FAM81B: variants seen among roughly 807,000 people sequenced by gnomAD.
FAM81B encodes family with sequence similarity 81 member B, also known as protein FAM81B.
FAM81B carries 60 observed loss-of-function variants against 58.7 expected under a neutral mutation model. The ratio of observed to expected loss-of-function variants is 1.02; its 90% CI spans 0.83 to 1.27. The LOEUF (loss-of-function observed/expected upper bound fraction) is 1.27. Among genes scored for constraint, FAM81B ranks in the 50% most tolerant of loss-of-function variants. FAM81B has a pLI of 0.00. For synonymous variants in FAM81B, 189 were observed against 179.6 expected, an observed-to-expected ratio of 1.05 and a Z score of -0.42; for missense variants, 491 against 522.0, an observed-to-expected ratio of 0.94 and a Z score of 0.58.
rs577076287 is a variant in FAM81B, at chr5:95,439,236, G to GTATATATATATATATATATATATA, written c.893+2336_893+2359dup. Among the ~76,000 whole-genome samples the GTATATATATATATATATATATATA allele has an allele frequency of 1.8e-3, 186 of 105,102 alleles. 2 individuals are homozygous for GTATATATATATATATATATATATA. Among genetic ancestry groups the GTATATATATATATATATATATATA allele is most frequent in the South Asian group, 3.4e-3 (9 of 2,646 alleles). 69.0% of individuals were successfully genotyped at this position (105,102 alleles called of 152,430 possible). A position where few individuals can be genotyped will look rare whatever the true frequency, so the allele number is the denominator to read the frequency against. ...ATAGGCAAGCTTGCTAGGTTAAAGAGTATATATATATATATATATATATAT... is the reference window on the plus strand; with the variant it reads ...ATAGGCAAGCTTGCTAGGTTAAAGAGTATATATATATATATATATATATATATATATATATATATATATATATAT... On this transcript the variant is annotated intron_variant, in intron 7 of 9. Transcript: ENST00000283357.
At chr5:95,413,629 A>G (rs945953746) in intron 3 of FAM81B, among the ~76,000 whole-genome samples, 1 of 152,096 alleles carries the variant, frequency 6.6e-6, no homozygotes, top group Non-Finnish European at 1.5e-5. Context: ...TAAAAACTTA[A>G]TTTTTTCTAC....
chr5:95,422,891 A>C (rs1235137463), intron 5 of FAM81B, among the ~76,000 whole-genome samples: 1 of 152,208 alleles, frequency 6.6e-6, no homozygotes, highest in Admixed American at 6.5e-5. Flanking sequence ...TTCCCCTTCA[A>C]TCAAAAGCAG....
intron 6 of FAM81B, among the ~76,000 whole-genome samples, chr5:95,432,263 T>C (rs1744932231): frequency 6.6e-6 from 1 of 152,144 alleles, no homozygotes; most frequent in Admixed American, 6.5e-5. Context: ...TGATGTATTT[T>C]GTTGTGGTGC....
chr5:95,430,124 G>C (rs1421276612), intron 6 of FAM81B, among the ~76,000 whole-genome samples: 1 of 152,048 alleles, frequency 6.6e-6, no homozygotes, highest in Non-Finnish European at 1.5e-5. Flanking sequence ...ATTCAAAAGT[G>C]ACATTGGACT....
intron 3 of FAM81B, among the ~76,000 whole-genome samples, chr5:95,397,698 G>A (rs1486728283): frequency 6.6e-6 from 1 of 152,198 alleles, no homozygotes; most frequent in Admixed American, 6.5e-5. Flanking sequence ...GCAAAAGCAT[G>A]ATAAAGATTA....
chr5:95,445,058 C>T (rs1745502569), intron 7 of FAM81B, among the ~76,000 whole-genome samples: 2 of 151,998 alleles, frequency 1.3e-5, no homozygotes. Context: ...AGCTATTAGC[C>T]TAAAAATAAT....
intron 3 of FAM81B, chr5:95,396,832 G>C (rs1166879232): frequency 6.6e-6 from 1 of 152,254 alleles, no homozygotes; most frequent in African/African-American, 2.4e-5. Context: ...TCAGGGCACT[G>C]GGGATTTAGT....
At chr5:95,428,871 T>C (rs1744734112) in intron 6 of FAM81B, 139 bp downstream of exon 6, 5 of 1,128,404 alleles carry the variant, frequency 4.4e-6, no homozygotes, top group Middle Eastern at 2.1e-4. Flanking sequence ...GACAGCTCAC[T>C]CATATACGCC....
At position 95,420,422 on chromosome 5, in the gene FAM81B, C is replaced by T. The variant is rs1344752673; in HGVS notation, c.656+20C>T. 1 of 1,612,954 alleles carries T rather than the reference C, an allele frequency of 6.2e-7. No homozygotes were observed. Among genetic ancestry groups the T allele is most frequent in the African/African-American group, 1.3e-5 (1 of 74,890 alleles). ...AGCCAGGTGAGAAGAAGCATGTTGA[C>T]TAATGTTTAACAGTGAATTCTTGGC... On this transcript the variant is annotated intron_variant, in intron 5 of 9. Transcript: ENST00000283357.
rs764847138 is a variant in FAM81B, at chr5:95,420,365, C to T, written c.619C>T (p.Leu207=). ...FAVHEINIKH[L]QGVGDLRGRV... is the part of the protein sequence containing the mutation. ...AGTACACGAGATAAACATCAAACACCTACAAGGAGTTGGAGATCTTCGAGG... is the reference window on the plus strand; with the variant it reads ...AGTACACGAGATAAACATCAAACACTTACAAGGAGTTGGAGATCTTCGAGG... Residue 207 remains leucine, a synonymous_variant, in exon 5 of 10, where the codon CTA becomes TTA. Coordinates refer to ENST00000283357, the MANE Select transcript of FAM81B (RefSeq NM_152548.3). 1 of 1,613,836 alleles carries T rather than the reference C, an allele frequency of 6.2e-7. No homozygotes were observed. Among genetic ancestry groups the T allele is most frequent in the Non-Finnish European group, 8.5e-7 (1 of 1,179,782 alleles).
At chr5:95,421,628 G>C (rs1054001335) in intron 5 of FAM81B, among the ~76,000 whole-genome samples, 1 of 151,610 alleles carries the variant, frequency 6.6e-6, no homozygotes, top group Non-Finnish European at 1.5e-5. Flanking sequence ...AAGTAAGGGG[G>C]TGGCATATCA....
chr5:95,436,484 A>C (rs1464004936), intron 6 of FAM81B, among the ~76,000 whole-genome samples: 2 of 152,246 alleles, frequency 1.3e-5, no homozygotes, highest in African/African-American at 4.8e-5. Flanking sequence ...TCAAATTAAC[A>C]GACTAATAAA....
At position 95,450,437 on chromosome 5, in the gene FAM81B, TC is replaced by T; in HGVS notation, c.*156del. ...AGAAAAATAATAAAGCAAAGAAGCT[TC>T]GGATGTCTTGAATTTATTAATGAAA... On this transcript the variant is annotated 3_prime_UTR_variant, in exon 10 of 10. Transcript: ENST00000283357. 7.8e-7 allele frequency: 1 copy of T among 1,288,922 alleles called. No individual in the cohort carries two copies. Among genetic ancestry groups the T allele is most frequent in the South Asian group, 1.5e-5 (1 of 66,056 alleles). 79.8% of individuals were successfully genotyped at this position (1,288,922 alleles called of 1,614,324 possible). A position where few individuals can be genotyped will look rare whatever the true frequency, so the allele number is the denominator to read the frequency against.
chr5:95,401,030 CA>C (rs1456106975), intron 3 of FAM81B, among the ~76,000 whole-genome samples: 2 of 150,994 alleles, frequency 1.3e-5, no homozygotes, highest in African/African-American at 2.4e-5. Flanking sequence ...CTGCAGTTTG[CA>C]TATGCTTCAC....
chr5:95,446,041 C>A (rs1244338327), intron 7 of FAM81B, among the ~76,000 whole-genome samples: 1 of 152,180 alleles, frequency 6.6e-6, no homozygotes, highest in Non-Finnish European at 1.5e-5. Flanking sequence ...TAGACTATAA[C>A]CGTACTCATT....
At chr5:95,409,994 T>G (rs746950787) in intron 3 of FAM81B, among the ~76,000 whole-genome samples, 6 of 152,198 alleles carry the variant, frequency 3.9e-5, no homozygotes, top group Non-Finnish European at 7.3e-5. Context: ...AAGTCCCAAT[T>G]TTGTTTAAGG....
chr5:95,392,555 T>C (rs1437353073), intron 1 of FAM81B, among the ~76,000 whole-genome samples: 5 of 152,178 alleles, frequency 3.3e-5, no homozygotes, highest in Non-Finnish European at 5.9e-5. Flanking sequence ...TAAAAAAGTT[T>C]CTAAAGGTCT....
intron 3 of FAM81B, among the ~76,000 whole-genome samples, chr5:95,408,104 GA>G (rs200528796): frequency 6.6e-6 from 1 of 151,810 alleles, no homozygotes; most frequent in Non-Finnish European, 1.5e-5. Context: ...GAGAGAGAGA[GA>G]GAGAGAGGAG....
chr5:95,441,856 A>G (rs528263518), intron 7 of FAM81B, among the ~76,000 whole-genome samples: 67 of 152,330 alleles, frequency 4.4e-4, no homozygotes, highest in Non-Finnish European at 9.0e-4. Context: ...AAGCCTACTT[A>G]GTTCTTACAC....
Sources: allele counts gnomAD v4.1 joint callset (sites outside exome capture counted in the v4.1 genomes callset), GRCh38; gene constraint gnomAD v4.1.1; transcripts MANE v1.5; gene names NCBI Gene and HGNC (gene_info 2026-07-23, HGNC 2026-07-21).